The following CHEK2 variants were observed in gnomAD, a reference collection of about 807,000 sequenced individuals.
The protein encoded by CHEK2 is checkpoint kinase 2.
In CHEK2, 71 loss-of-function variants were observed where a neutral mutation model predicts 69.1. The observed-to-expected ratio is 1.03, with a 90% CI of 0.85 to 1.25. The LOEUF (loss-of-function observed/expected upper bound fraction) is 1.25, where lower values mean the gene tolerates loss of function less well. CHEK2 is among the 50% of genes most tolerant of loss of function. CHEK2 has a pLI of 0.00. For synonymous variants in CHEK2, 189 were observed against 226.9 expected, an observed-to-expected ratio of 0.83 and a Z score of 1.50; for missense variants, 664 against 649.6, an observed-to-expected ratio of 1.02 and a Z score of -0.24.
intron 5 of CHEK2, among the ~76,000 whole-genome samples, chr22:28,712,636 C>T (rs1389747746): frequency 2.6e-5 from 4 of 152,156 alleles, no homozygotes; most frequent in Admixed American, 2.6e-4. Context: ...CAAGCCATTA[C>T]CCAGAACACA....
chr22:28,702,135 C>CTGTGTGTCTG (rs1555916243), intron 8 of CHEK2, among the ~76,000 whole-genome samples: 1 of 140,314 alleles, frequency 7.1e-6, no homozygotes, highest in African/African-American at 2.7e-5. Context: ...GTGTGTGTGT[C>CTGTGTGTCTG]TGTGTGTGTG....
chr22:28,706,296 G>GCT lies in CHEK2; in HGVS notation c.847-2732_847-2731dup, dbSNP rs201812675. On this transcript the variant is annotated intron_variant, in intron 7 of 14. Transcript: ENST00000404276. ...AGCCTGGCAACAGAGCAACACTCCA[G>GCT]CTCACACACACACACACACACACAC... Among the ~76,000 whole-genome samples the GCT allele has an allele frequency of 4.2e-3, 455 of 109,098 alleles. 3 individuals carry two copies. Among genetic ancestry groups the GCT allele is most frequent in the East Asian group, 0.034 (108 of 3,178 alleles). 71.6% of individuals were successfully genotyped at this position (109,098 alleles called of 152,430 possible). A position where few individuals can be genotyped will look rare whatever the true frequency, so the allele number is the denominator to read the frequency against.
chr22:28,741,766 C>A lies in CHEK2; in HGVS notation c.-7+3G>T. On this transcript the variant is annotated splice_donor_region_variant and intron_variant, in intron 1 of 14. Transcript: ENST00000404276. ...CCCAACAGAAGTTCCCCATATGACT[C>A]ACCGCGTGAGCCCACCTGGAGCCGC... 4.6e-6 allele frequency: 2 copies of A among 433,510 alleles called. No individual in the cohort carries two copies. Among genetic ancestry groups the A allele is most frequent in the South Asian group, 2.5e-5 (1 of 39,736 alleles). The allele number at this position is 433,510 out of a possible 1,614,324, so 26.9% of individuals were successfully genotyped here.
chr22:28,718,957 T>G (rs2053674842), intron 5 of CHEK2, among the ~76,000 whole-genome samples: 1 of 151,446 alleles, frequency 6.6e-6, no homozygotes, highest in Non-Finnish European at 1.5e-5. Context: ...CTGGGCATGG[T>G]GGCTCACGCT....
At chr22:28,730,432 C>G (rs907433465) in intron 2 of CHEK2, 1 of 671,798 alleles carries the variant, frequency 1.5e-6, no homozygotes, top group African/African-American at 1.8e-5. Flanking sequence ...AGACTGCAAA[C>G]TGGCCGGGGA....
rs1183266210 is a variant in CHEK2 at position 28,734,730 on chromosome 22, CAAA to C, written c.-6-6_-6-4del. 3 of 1,605,632 alleles carry C rather than the reference CAAA, an allele frequency of 1.9e-6. No individual in the cohort carries two copies. Among genetic ancestry groups the C allele is most frequent in the Non-Finnish European group, 2.5e-6 (3 of 1,176,680 alleles). ...TCCGACTCCCGAGACATCACGACCT[CAAA>C]AAGAAAGTGTCCAACAACAAAGGTG... On this transcript the variant is annotated splice_region_variant and splice_polypyrimidine_tract_variant and intron_variant, in intron 1 of 14. Coordinates refer to ENST00000404276, the MANE Select transcript of CHEK2 (RefSeq NM_007194.4).
intron 7 of CHEK2, among the ~76,000 whole-genome samples, chr22:28,707,090 C>T (rs938994959): frequency 1.3e-5 from 2 of 152,042 alleles, no homozygotes; most frequent in African/African-American, 4.8e-5. Context: ...AAGAGGTGTC[C>T]GATAGTCAGA....
At position 28,702,302 on chromosome 22, in the gene CHEK2, G is replaced by A. The variant is rs1301939784; in HGVS notation, c.908+1203C>T. 1.7e-4 allele frequency among the ~76,000 whole-genome samples: 26 copies of A among 149,574 alleles called. No homozygotes were observed. In the East Asian group the frequency reaches 1.8e-3, roughly 10 times the overall value. ...CACCCAGGCTGGAATGCAGTGGCGC[G>A]ATCTCAGCTCATTGCAAGCTCCGCC... On this transcript the variant is annotated intron_variant, in intron 8 of 14. Transcript: ENST00000404276.
chr22:28,734,718 A>G lies in CHEK2; in HGVS notation c.4T>C (p.Ser2Pro), dbSNP rs2146157394. 1 of 1,613,600 alleles carries G rather than the reference A, an allele frequency of 6.2e-7. No homozygotes were observed. Among genetic ancestry groups the G allele is most frequent in the South Asian group, 1.1e-5 (1 of 91,064 alleles). M[S>P]RESDVEAQQS... ...TGAGCCTCAACATCCGACTCCCGAG[A>G]CATCACGACCTCAAAAAGAAAGTGT... Residue 2 changes from serine (S) to proline (P), a missense_variant, in exon 2 of 15, where the codon TCT (serine) becomes CCT (proline). Transcript: ENST00000404276.
At chr22:28,741,106 C>T (rs1309173076) in intron 1 of CHEK2, among the ~76,000 whole-genome samples, 5 of 143,100 alleles carry the variant, frequency 3.5e-5, no homozygotes, top group South Asian at 4.5e-4. Flanking sequence ...GCCCAGATCG[C>T]GCCACTGCAC....
chr22:28,734,300 CA>C, intron 2 of CHEK2, 102 bp downstream of exon 2: 3 of 1,145,808 alleles, frequency 2.6e-6, no homozygotes, highest in Non-Finnish European at 3.8e-6. Context: ...TTCAACGTGC[CA>C]AAAACCTGGA....
At chr22:28,718,184 G>C (rs576699890) in intron 5 of CHEK2, among the ~76,000 whole-genome samples, 7 of 152,134 alleles carry the variant, frequency 4.6e-5, no homozygotes, top group Admixed American at 3.9e-4. Context: ...AAAATGCTCA[G>C]TATCTCTAGC....
At chr22:28,701,954 A>ATTTT (rs35082981) in intron 8 of CHEK2, among the ~76,000 whole-genome samples, 6 of 145,782 alleles carry the variant, frequency 4.1e-5, no homozygotes, top group African/African-American at 1.0e-4. Flanking sequence ...CCCATATACT[A>ATTTT]TTTTTTTTTT....
rs552627710 is a variant in CHEK2, at chr22:28,692,598, G to A, written c.1461+1434C>T. The stretch of plus-strand genomic sequence containing the variant: ...AGTCTTCCCAGAGTCCCAGAAGTAC[G>A]GGTCGGAGGCTGGACTGCCCAAGGA... On this transcript the variant is annotated intron_variant, in intron 13 of 14. Transcript: ENST00000404276. 3.9e-5 allele frequency among the ~76,000 whole-genome samples: 6 copies of A among 152,274 alleles called. No individual in the cohort carries two copies. The East Asian group carries it at 7.7e-4, about 20-fold the overall frequency.
chr22:28,688,218 T>C (rs1455276288), intron 14 of CHEK2, among the ~76,000 whole-genome samples: 1 of 152,200 alleles, frequency 6.6e-6, no homozygotes, highest in African/African-American at 2.4e-5. Context: ...CTCTGAACGA[T>C]GTATACTGAA....
intron 10 of CHEK2, among the ~76,000 whole-genome samples, chr22:28,696,328 G>A (rs898190876): frequency 3.3e-5 from 5 of 152,134 alleles, no homozygotes; most frequent in African/African-American, 9.7e-5. Flanking sequence ...CTAAAGTGAT[G>A]CCAGACTTGA....
intron 2 of CHEK2, among the ~76,000 whole-genome samples, chr22:28,727,521 T>C (rs945587046): frequency 1.3e-5 from 2 of 152,292 alleles, no homozygotes; most frequent in South Asian, 2.1e-4. Flanking sequence ...TGTTTAACAG[T>C]ACAACTCCAG....
chr22:28,734,334 C>A (rs1160374769), intron 2 of CHEK2, 69 bp downstream of exon 2: 1 of 1,490,376 alleles, frequency 6.7e-7, no homozygotes, highest in African/African-American at 1.4e-5. Context: ...GAACCTTCCA[C>A]CTGGTAATAC....
intron 5 of CHEK2, 50 bp downstream of exon 5, chr22:28,719,345 C>T (rs1440030399): frequency 5.9e-6 from 6 of 1,011,622 alleles, no homozygotes; most frequent in Non-Finnish European, 9.0e-6. Context: ...CCACCAATCA[C>T]AAATGTATAG....
Sources: gnomAD v4.1 joint callset for allele counts (sites outside exome capture counted in the v4.1 genomes callset) on GRCh38, gnomAD v4.1.1 for gene constraint, MANE v1.5 for transcripts, NCBI Gene and HGNC (gene_info 2026-07-23, HGNC 2026-07-21) for gene names.